Variants in STIM1 observed in about 807,000 individuals in gnomAD.
The protein encoded by STIM1 is stromal interaction molecule 1.
In STIM1, 25 loss-of-function variants were observed where a neutral mutation model predicts 74.7. The ratio of observed to expected loss-of-function variants is 0.33; its 90% CI spans 0.24 to 0.47. STIM1 has a LOEUF of 0.47. STIM1 is among the 20% of genes least tolerant of loss of function. The pLI is 1.00. For missense variants in STIM1, 728 were observed against 920.8 expected (o/e 0.79, Z 2.71); for synonymous variants, 328 against 348.8 (o/e 0.94, Z 0.66).
chr11:4,071,678 G>A (rs2094404531), intron 6 of STIM1, among the ~76,000 whole-genome samples: 1 of 152,174 alleles, frequency 6.6e-6, no homozygotes, highest in Non-Finnish European at 1.5e-5. Context: ...ATTTAATTTG[G>A]AGGGGTAGGG....
At chr11:4,066,390 C>T (rs1899478) in intron 5 of STIM1, among the ~76,000 whole-genome samples, 9,686 of 152,230 alleles carry the variant, frequency 0.064, 464 homozygotes, top group East Asian at 0.19. Flanking sequence ...TCCCTTTCCA[C>T]CTAAAACCTC....
chr11:4,055,327 C>A (rs1205757177), intron 3 of STIM1, among the ~76,000 whole-genome samples, 199 bp from the exon 4 acceptor site: 1 of 152,178 alleles, frequency 6.6e-6, no homozygotes, highest in African/African-American at 2.4e-5. Context: ...CATTGATCTG[C>A]TTTCTATCAC....
rs79897690 is a variant in STIM1 at position 3,962,238 on chromosome 11, C to A, written c.140-5314C>A. On this transcript the variant is annotated intron_variant, in intron 1 of 12. Coordinates refer to ENST00000526596, the MANE Select transcript of STIM1 (RefSeq NM_001382567.1). ...TTTCTTGTCCCTTACCGTCCTCCCC[C>A]ACTCCTGGCAACTTTTCGAAGTCTC... is the stretch of plus-strand genomic sequence containing the variant. 1.8e-4 allele frequency among the ~76,000 whole-genome samples: 27 copies of A among 152,242 alleles called. No individual in the cohort carries two copies. In the South Asian group the frequency reaches 3.5e-3, roughly 20 times the overall value.
chr11:3,998,856 G>A (rs2093685731), intron 2 of STIM1, among the ~76,000 whole-genome samples: 1 of 152,182 alleles, frequency 6.6e-6, no homozygotes, highest in Non-Finnish European at 1.5e-5. Context: ...AAAGATCATG[G>A]TTTGGTCAAG....
At position 3,953,522 on chromosome 11, in the gene STIM1, G is replaced by A. The variant is rs139742306; in HGVS notation, c.140-14030G>A. ...ATCACCCAACTATAGCCTTGCCATA[G>A]GACGTGGTATAGGAAGTTAGTGTGG... On this transcript the variant is annotated intron_variant, in intron 1 of 12. Transcript: ENST00000526596. Among the ~76,000 whole-genome samples, 574 of 152,290 alleles carry A rather than the reference G, an allele frequency of 3.8e-3. 3 individuals carry two copies. Among genetic ancestry groups the A allele is most frequent in the African/African-American group, 0.013 (539 of 41,556 alleles).
chr11:4,074,495 C>T lies in STIM1; in HGVS notation c.792-7C>T. On this transcript the variant is annotated splice_polypyrimidine_tract_variant and splice_region_variant and intron_variant, in intron 6 of 12. Transcript: ENST00000526596. ...GCCTCCTCCAGCTCCCTGCATTGCCCCCCCAGGCTGCACAAGGCCCAGGAG... is the reference window on the plus strand; with the variant it reads ...GCCTCCTCCAGCTCCCTGCATTGCCTCCCCAGGCTGCACAAGGCCCAGGAG... The T allele has an allele frequency of 5.6e-6, 9 of 1,613,258 alleles. No individual in the cohort carries two copies. The highest frequency in any genetic ancestry group is 1.3e-5 in the African/African-American group (1 of 75,022).
In STIM1 at chr11:4,092,208, C is replaced by T. The variant is rs1302328611; in HGVS notation, c.*410C>T. The T allele has an allele frequency of 9.4e-6, 3 of 318,644 alleles. No homozygotes were observed. The East Asian group carries it at 2.3e-4, about 25-fold the overall frequency. The allele number at this position is 318,644 out of a possible 1,614,324, so 19.7% of individuals were successfully genotyped here. ...ACTCCCCAACTTCCCCTAGCAGTTG[C>T]AGGGAAGATAGGACGAGTAGCTTCT... is the stretch of plus-strand genomic sequence containing the variant. On this transcript the variant is annotated 3_prime_UTR_variant, in exon 13 of 13. Coordinates refer to ENST00000526596, the MANE Select transcript of STIM1 (RefSeq NM_001382567.1).
intron 2 of STIM1, among the ~76,000 whole-genome samples, chr11:3,976,941 C>T (rs1238064644): frequency 1.3e-5 from 2 of 152,096 alleles, no homozygotes; most frequent in Admixed American, 6.6e-5. Flanking sequence ...ACTACAGGCG[C>T]GTAGTGCCAC....
At position 4,070,140 on chromosome 11, in the gene STIM1, A is replaced by T. The variant is rs1166777308; in HGVS notation, c.728A>T (p.Lys243Met). Residue 243 changes from lysine (K) to methionine (M), a missense_variant, in exon 6 of 13, where the codon AAG becomes ATG. By Grantham distance (95) the Lys-to-Met change is moderately conservative. This residue lies in a region of STIM1 where 132 missense variants were observed against 158.2 expected (regional missense o/e 0.83). Transcript: ENST00000526596. The part of the protein sequence containing the change: ...QNRYSKEHMK[K>M]MMKDLEGLHR... ...CGTTACTCCAAGGAGCACATGAAGA[A>T]GATGATGAAGGACTTGGAGGGGTTA... 3 of 1,614,230 alleles carry T rather than the reference A, an allele frequency of 1.9e-6. No individual in the cohort carries two copies. The highest frequency in any genetic ancestry group is 2.5e-6 in the Non-Finnish European group (3 of 1,180,040).
chr11:3,908,785 C>T (rs1407980633), intron 1 of STIM1, among the ~76,000 whole-genome samples: 2 of 151,996 alleles, frequency 1.3e-5, no homozygotes, highest in Non-Finnish European at 1.5e-5. Flanking sequence ...AGCCTAGAAA[C>T]CAGAAGAAAG....
chr11:3,961,683 A>G (rs1173752233), intron 1 of STIM1: 1 of 151,568 alleles, frequency 6.6e-6, no homozygotes, highest in Non-Finnish European at 1.5e-5. Context: ...TAATTTTTGT[A>G]TTTTTTAGTA....
At chr11:3,900,431 GCCGCACCCACTGTC>G (rs2092318504) in intron 1 of STIM1, among the ~76,000 whole-genome samples, 1 of 152,150 alleles carries the variant, frequency 6.6e-6, no homozygotes, top group South Asian at 2.1e-4. Context: ...TGCACGGTGC[GCCGCACCCACTGTC>G]CTGCACCCAC....
At chr11:3,874,883 G>A (rs1210260550) in intron 1 of STIM1, among the ~76,000 whole-genome samples, 1 of 152,152 alleles carries the variant, frequency 6.6e-6, no homozygotes, top group Non-Finnish European at 1.5e-5. Context: ...TTTCAAATAA[G>A]GCCCCCTGTG....
intron 1 of STIM1, among the ~76,000 whole-genome samples, chr11:3,902,737 G>A (rs1017655360): frequency 1.3e-5 from 2 of 152,192 alleles, no homozygotes; most frequent in African/African-American, 4.8e-5. Flanking sequence ...TCAGGAGAAG[G>A]TGGTATCCTG....
intron 3 of STIM1, among the ~76,000 whole-genome samples, chr11:4,031,634 G>A (rs749556050): frequency 4.5e-4 from 68 of 152,258 alleles, no homozygotes; most frequent in Admixed American, 1.8e-3. Flanking sequence ...GACTAACAAT[G>A]TTGAGCATCC....
rs1178137310 is a variant in STIM1, at chr11:3,920,787, T to A, written c.140-46765T>A. Among the ~76,000 whole-genome samples the A allele has an allele frequency of 2.0e-5, 3 of 151,864 alleles. No homozygotes were observed. In the East Asian group the frequency reaches 5.8e-4, roughly 29 times the overall value. On this transcript the variant is annotated intron_variant, in intron 1 of 12. Transcript: ENST00000526596. ...TAGTGCTACCCTGAAGTATCTTTTT[T>A]TTTTTATTTTTTTTAATTTTTTTTT...
rs186206486 is a variant in STIM1, at chr11:4,005,923, C to T, written c.271-17950C>T. On this transcript the variant is annotated intron_variant, in intron 2 of 12. Transcript: ENST00000526596. Reference sequence around the variant, plus strand: ...AGAACTCTGTAAATGACATTTAGAGCTATTGTACCTGAAATATGGTATGCT... The same window carrying T: ...AGAACTCTGTAAATGACATTTAGAGTTATTGTACCTGAAATATGGTATGCT... Among the ~76,000 whole-genome samples the T allele has an allele frequency of 2.2e-3, 328 of 152,164 alleles. 4 individuals are homozygous for T. Among genetic ancestry groups the T allele is most frequent in the African/African-American group, 7.5e-3 (313 of 41,534 alleles).
intron 1 of STIM1, among the ~76,000 whole-genome samples, chr11:3,967,337 A>G (rs906125305): frequency 6.6e-6 from 1 of 152,154 alleles, no homozygotes; most frequent in Non-Finnish European, 1.5e-5. Flanking sequence ...CCAAGAAACT[A>G]TTAGGGTGAT....
Position 3,910,074 on chromosome 11 carries a change from A to G in STIM1, c.139+53665A>G, listed in dbSNP as rs543370579. ...AGGAAGGGAAGCATAATGAGAGGGA[A>G]GAATTTTAGGGCAAGATGTTTAGGA... On this transcript the variant is annotated intron_variant, in intron 1 of 12. Coordinates refer to ENST00000526596, the MANE Select transcript of STIM1 (RefSeq NM_001382567.1). Among the ~76,000 whole-genome samples, 43 of 152,276 alleles carry G rather than the reference A, an allele frequency of 2.8e-4. No individual in the cohort carries two copies. The South Asian group carries it at 8.7e-3, about 31-fold the overall frequency.
Sources: allele counts gnomAD v4.1 joint callset (sites outside exome capture counted in the v4.1 genomes callset), GRCh38; gene constraint gnomAD v4.1.1; regional missense constraint gnomAD v4.1.1; transcripts MANE v1.5; gene names NCBI Gene and HGNC (gene_info 2026-07-23, HGNC 2026-07-21).